ATP6V0D2: variants seen among roughly 807,000 people sequenced by gnomAD.
The protein encoded by ATP6V0D2 is ATPase H+ transporting V0 subunit d2.
In ATP6V0D2, 40 loss-of-function variants were observed where a neutral mutation model predicts 40.0. That is an observed-to-expected ratio of 1.00 (90% CI 0.78 to 1.30). ATP6V0D2 has a LOEUF of 1.30. Among genes scored for constraint, ATP6V0D2 ranks in the 50% most tolerant of loss-of-function variants. ATP6V0D2 has a pLI of 0.00. For missense variants in ATP6V0D2, 470 were observed against 423.1 expected, an observed-to-expected ratio of 1.11 and a Z score of -0.97; for synonymous variants, 179 against 156.3, an observed-to-expected ratio of 1.15 and a Z score of -1.08.
Position 86,153,127 on chromosome 8 carries a change from A to G in ATP6V0D2, c.*150A>G, listed in dbSNP as rs2129650379. The G allele has an allele frequency of 3.5e-6, 2 of 564,634 alleles. No individual in the cohort carries two copies. Among genetic ancestry groups the G allele is most frequent in the Non-Finnish European group, 5.7e-6 (2 of 352,064 alleles). The allele number at this position is 564,634 out of a possible 1,614,324, so 35.0% of individuals were successfully genotyped here. A position where few individuals can be genotyped will look rare whatever the true frequency, so the allele number is the denominator to read the frequency against. On this transcript the variant is annotated 3_prime_UTR_variant, in exon 8 of 8. Transcript: ENST00000285393. ...TTGCAAATCCATGGAAACACAGTAAACCAGCCCTGAAACAAAGCATTTCCT... is the reference window on the plus strand; with the variant it reads ...TTGCAAATCCATGGAAACACAGTAAGCCAGCCCTGAAACAAAGCATTTCCT...
chr8:86,116,068 A>G (rs983452385), intron 2 of ATP6V0D2, among the ~76,000 whole-genome samples: 1 of 152,192 alleles, frequency 6.6e-6, no homozygotes, highest in Non-Finnish European at 1.5e-5. Context: ...AATGAATAAT[A>G]TCTTTAAGAA....
chr8:86,148,769 G>C (rs1819103121), intron 5 of ATP6V0D2, among the ~76,000 whole-genome samples: 1 of 151,994 alleles, frequency 6.6e-6, no homozygotes, highest in Admixed American at 6.6e-5. Flanking sequence ...GTCAGGCACT[G>C]GCTATTCAAA....
chr8:86,112,386 G>A (rs574239394), intron 1 of ATP6V0D2, among the ~76,000 whole-genome samples: 2 of 152,252 alleles, frequency 1.3e-5, no homozygotes, highest in African/African-American at 4.8e-5. Flanking sequence ...ACCTGGCTTG[G>A]AATCACAGTT....
intron 1 of ATP6V0D2, among the ~76,000 whole-genome samples, chr8:86,110,633 A>G (rs1037270291): frequency 6.6e-6 from 1 of 152,186 alleles, no homozygotes; most frequent in Non-Finnish European, 1.5e-5. Flanking sequence ...GCAGGTCACA[A>G]TACAGAGGTT....
intron 2 of ATP6V0D2, among the ~76,000 whole-genome samples, chr8:86,120,803 G>A (rs537052973): frequency 6.6e-6 from 1 of 152,182 alleles, no homozygotes; most frequent in East Asian, 1.9e-4. Context: ...AAGAGACATG[G>A]AAGGGATTCC....
At chr8:86,149,055 G>A (rs2721245) in intron 5 of ATP6V0D2, among the ~76,000 whole-genome samples, 95,602 of 109,736 alleles carry the variant, frequency 0.87, 41,511 homozygotes, top group African/African-American at 0.91. Context: ...TCCAAAGGAA[G>A]AAAAAAAAAA....
At chr8:86,128,383 A>C (rs188306384) in intron 2 of ATP6V0D2, among the ~76,000 whole-genome samples, 127 of 152,136 alleles carry the variant, frequency 8.3e-4, no homozygotes, top group African/African-American at 2.9e-3. Flanking sequence ...ACAAACAATA[A>C]AAGGGATGTA....
chr8:86,105,621 C>CTTT (rs757847208), intron 1 of ATP6V0D2, among the ~76,000 whole-genome samples: 4 of 133,294 alleles, frequency 3.0e-5, no homozygotes, highest in South Asian at 2.4e-4. Context: ...TTTTTCTTTT[C>CTTT]TTTTTTTTTT....
rs67038551 is a variant in ATP6V0D2 at position 86,149,869 on chromosome 8, T to A, written c.640-243T>A. 0.24 allele frequency among the ~76,000 whole-genome samples: 36,854 copies of A among 151,892 alleles called. 5,946 individuals are homozygous for A. The highest frequency in any genetic ancestry group is 0.46 in the African/African-American group (19,022 of 41,398). ...CATTGCAGGGTGCCCGGGAAATAAATCTTACTGGGGTTTCAGGAGTCATAG... is the reference window on the plus strand; with the variant it reads ...CATTGCAGGGTGCCCGGGAAATAAAACTTACTGGGGTTTCAGGAGTCATAG... On this transcript the variant is annotated intron_variant, in intron 5 of 7. Transcript: ENST00000285393.
At chr8:86,103,814 T>C (rs1363743217) in intron 1 of ATP6V0D2, among the ~76,000 whole-genome samples, 7 of 152,128 alleles carry the variant, frequency 4.6e-5, no homozygotes. Context: ...CAAGGCTCTT[T>C]ATGTGGCATA....
chr8:86,103,183 T>C (rs1473283237), intron 1 of ATP6V0D2, among the ~76,000 whole-genome samples: 2 of 151,920 alleles, frequency 1.3e-5, no homozygotes, highest in East Asian at 1.9e-4. Flanking sequence ...AATGGCACGA[T>C]CTTGGCTCAC....
At chr8:86,135,651 A>C (rs1818886537) in intron 2 of ATP6V0D2, among the ~76,000 whole-genome samples, 1 of 152,166 alleles carries the variant, frequency 6.6e-6, no homozygotes, top group South Asian at 2.1e-4. Context: ...TAATATCCTA[A>C]AATTTTTGAA....
rs1476070593 is a variant in ATP6V0D2, at chr8:86,149,214, A to C, written c.640-898A>C. ...AAGAGCTGCGTAGCCCAAGAAAACC[A>C]TGGCAAGCCCCCACAATAGGCAGAG... is the stretch of plus-strand genomic sequence containing the variant. On this transcript the variant is annotated intron_variant, in intron 5 of 7. Coordinates refer to ENST00000285393, the MANE Select transcript of ATP6V0D2 (RefSeq NM_152565.1). Among the ~76,000 whole-genome samples, 5 of 152,076 alleles carry C rather than the reference A, an allele frequency of 3.3e-5. No homozygotes were observed. The East Asian group carries it at 9.6e-4, about 29-fold the overall frequency.
At chr8:86,102,121 C>T (rs1289789808) in intron 1 of ATP6V0D2, among the ~76,000 whole-genome samples, 5 of 152,162 alleles carry the variant, frequency 3.3e-5, no homozygotes, top group Non-Finnish European at 2.9e-5. Flanking sequence ...ATGCCATTGC[C>T]TCCTGAGTAT....
chr8:86,142,095 A>AT (rs1354414178), intron 4 of ATP6V0D2, among the ~76,000 whole-genome samples: 1 of 152,200 alleles, frequency 6.6e-6, no homozygotes, highest in Non-Finnish European at 1.5e-5. Context: ...AAATCTGTCC[A>AT]TTTTTAGTCA....
intron 2 of ATP6V0D2, among the ~76,000 whole-genome samples, chr8:86,115,860 A>T (rs1360492933): frequency 6.6e-6 from 1 of 152,200 alleles, no homozygotes; most frequent in Non-Finnish European, 1.5e-5. Flanking sequence ...CTCACACTAT[A>T]GCAGATATTC....
intron 2 of ATP6V0D2, among the ~76,000 whole-genome samples, chr8:86,129,014 A>G (rs1818781079): frequency 6.6e-6 from 1 of 152,264 alleles, no homozygotes; most frequent in African/African-American, 2.4e-5. Context: ...ATTAAAGATG[A>G]TGTGGCTTAT....
chr8:86,151,834 C>A (rs1012678143), intron 7 of ATP6V0D2, among the ~76,000 whole-genome samples: 1 of 149,248 alleles, frequency 6.7e-6, no homozygotes. Flanking sequence ...CATTCAATTC[C>A]TCATGGAATT....
Position 86,145,875 on chromosome 8 carries a change from C to T in ATP6V0D2, c.639+2921C>T, listed in dbSNP as rs181368039. On this transcript the variant is annotated intron_variant, in intron 5 of 7. Coordinates refer to ENST00000285393, the MANE Select transcript of ATP6V0D2 (RefSeq NM_152565.1). ...CACTATTAATAGCTAACACTTACTA[C>T]GTGCTAGATGCTATCTTGAGTGCTT... is the stretch of plus-strand genomic sequence containing the variant. Among the ~76,000 whole-genome samples the T allele has an allele frequency of 6.4e-4, 98 of 152,310 alleles. 1 individual carries two copies. In the South Asian group the frequency reaches 0.012, roughly 19 times the overall value.
Sources: gnomAD v4.1 joint callset for allele counts (sites outside exome capture counted in the v4.1 genomes callset) on GRCh38, gnomAD v4.1.1 for gene constraint, MANE v1.5 for transcripts, NCBI Gene and HGNC (gene_info 2026-07-23, HGNC 2026-07-21) for gene names.